RALYL: variants seen among roughly 807,000 people sequenced by gnomAD.
RALYL encodes the protein RNA-binding Raly-like protein.
In RALYL, 29 loss-of-function variants were observed where a neutral mutation model predicts 35.1. The ratio of observed to expected loss-of-function variants is 0.83; its 90% CI spans 0.61 to 1.13. The LOEUF is 1.13. RALYL is among the 50% of genes most tolerant of loss of function. The pLI is 0.00. For synonymous variants in RALYL, 120 were observed against 127.6 expected (o/e 0.94, Z 0.40); for missense variants, 359 against 360.4 (o/e 1.00, Z 0.03).
intron 2 of RALYL, among the ~76,000 whole-genome samples, chr8:84,727,491 T>C (rs10089481): frequency 0.33 from 50,000 of 151,742 alleles, 9,813 homozygotes; most frequent in African/African-American, 0.55. Flanking sequence ...TATTATTATA[T>C]TTCAAGTTTT....
chr8:84,415,492 C>A (rs2044595022), intron 1 of RALYL, among the ~76,000 whole-genome samples: 1 of 152,028 alleles, frequency 6.6e-6, no homozygotes, highest in African/African-American at 2.4e-5. Context: ...CCCGCCTCGG[C>A]CTCCCAAAGT....
At chr8:84,416,843 CT>C (rs1317491959) in intron 1 of RALYL, among the ~76,000 whole-genome samples, 3 of 152,158 alleles carry the variant, frequency 2.0e-5, no homozygotes, top group Non-Finnish European at 4.4e-5. Context: ...TTACCCAATT[CT>C]TAAAGTTGCA....
intron 1 of RALYL, among the ~76,000 whole-genome samples, chr8:84,358,750 T>C (rs1852363292): frequency 6.6e-6 from 1 of 152,092 alleles, no homozygotes; most frequent in South Asian, 2.1e-4. Context: ...TAGTTAGAAA[T>C]AGAAATGTTG....
chr8:84,286,174 C>T (rs115730668), intron 1 of RALYL, among the ~76,000 whole-genome samples: 205 of 152,142 alleles, frequency 1.3e-3, no homozygotes, highest in African/African-American at 4.3e-3. Flanking sequence ...GTGATCTGCC[C>T]GCCTCGGCCT....
chr8:84,589,805 A>G lies in RALYL; in HGVS notation c.256+60228A>G, dbSNP rs1203476410. Among the ~76,000 whole-genome samples the G allele has an allele frequency of 2.6e-5, 4 of 152,360 alleles. No individual in the cohort carries two copies. In the East Asian group the frequency reaches 5.8e-4, roughly 22 times the overall value. ...GGGAAAAGAAACATATGAATGTGAA[A>G]TAAACTCAGCCACTCTGTTGTTTAA... On this transcript the variant is annotated intron_variant, in intron 2 of 8. Coordinates refer to ENST00000521268, the MANE Select transcript of RALYL (RefSeq NM_173848.7).
rs542427213 is a variant in RALYL at position 84,356,580 on chromosome 8, A to AAGACTCC, written c.-24+172160_-24+172166dup. On this transcript the variant is annotated intron_variant, in intron 1 of 8. Coordinates refer to ENST00000521268, the MANE Select transcript of RALYL (RefSeq NM_173848.7). ...TATAATAAGCAAATTTTTTACCTCC[A>AAGACTCC]AGACTCCAGAAGATTCATTTATAGG... Among the ~76,000 whole-genome samples the AAGACTCC allele has an allele frequency of 1.1e-3, 163 of 150,176 alleles. 14 individuals are homozygous for AAGACTCC. The highest frequency in any genetic ancestry group is 3.9e-3 in the African/African-American group (159 of 40,388).
intron 2 of RALYL, among the ~76,000 whole-genome samples, chr8:84,707,163 T>C (rs1841363706): frequency 6.6e-6 from 1 of 152,208 alleles, no homozygotes; most frequent in Non-Finnish European, 1.5e-5. Context: ...AGAAGTTTCA[T>C]GCACCACAGA....
At chr8:84,285,071 T>G (rs1365480327) in intron 1 of RALYL, among the ~76,000 whole-genome samples, 1 of 152,120 alleles carries the variant, frequency 6.6e-6, no homozygotes, top group African/African-American at 2.4e-5. Context: ...TTGTATATGA[T>G]GTTGGAAGGC....
chr8:84,681,638 T>A (rs1226113846), intron 2 of RALYL, among the ~76,000 whole-genome samples: 3 of 152,182 alleles, frequency 2.0e-5, no homozygotes, highest in Non-Finnish European at 4.4e-5. Context: ...GATTTGACTC[T>A]CTGTCTGTTA....
chr8:84,398,744 C>T (rs546032884), intron 1 of RALYL, among the ~76,000 whole-genome samples: 3 of 152,230 alleles, frequency 2.0e-5, no homozygotes, highest in South Asian at 4.1e-4. Flanking sequence ...AAGGCCAAAG[C>T]GGGTCGATCA....
intron 6 of RALYL, among the ~76,000 whole-genome samples, chr8:84,869,382 G>A (rs572291371): frequency 2.9e-5 from 3 of 102,034 alleles, no homozygotes; most frequent in South Asian, 4.8e-4. Context: ...TTCAAATAAT[G>A]TATAATGGCT....
chr8:84,415,111 A>G (rs1303207134), intron 1 of RALYL, among the ~76,000 whole-genome samples: 4 of 150,232 alleles, frequency 2.7e-5, no homozygotes, highest in Admixed American at 6.6e-5. Context: ...TAGAATTGAA[A>G]TTAGCATTAA....
Position 84,286,295 on chromosome 8 carries a change from T to A in RALYL, c.-24+101871T>A, listed in dbSNP as rs113079793. On this transcript the variant is annotated intron_variant, in intron 1 of 8. Coordinates refer to ENST00000521268, the MANE Select transcript of RALYL (RefSeq NM_173848.7). ...ACAGCTATGTCTTTTTCTCTGGTCATGTTTGGTTTGTGCAAGCGGAAATAA... is the reference window on the plus strand; with the variant it reads ...ACAGCTATGTCTTTTTCTCTGGTCAAGTTTGGTTTGTGCAAGCGGAAATAA... Among the ~76,000 whole-genome samples the A allele has an allele frequency of 2.4e-3, 369 of 152,320 alleles. 2 individuals are homozygous for A. The highest frequency in any genetic ancestry group is 8.6e-3 in the African/African-American group (358 of 41,574).
chr8:84,853,810 A>C (rs1176570964), intron 5 of RALYL, among the ~76,000 whole-genome samples: 1 of 152,072 alleles, frequency 6.6e-6, no homozygotes, highest in Non-Finnish European at 1.5e-5. Flanking sequence ...ATTTCTCATA[A>C]GTTACGGTCT....
intron 2 of RALYL, among the ~76,000 whole-genome samples, chr8:84,744,125 A>G (rs1398046213): frequency 1.3e-5 from 2 of 152,044 alleles, no homozygotes; most frequent in Non-Finnish European, 2.9e-5. Context: ...ATTTTTAAAA[A>G]ATAAAAATAA....
chr8:84,786,736 G>T (rs1819570382), intron 3 of RALYL, among the ~76,000 whole-genome samples: 1 of 151,064 alleles, frequency 6.6e-6, no homozygotes, highest in South Asian at 2.2e-4. Context: ...TTAGACCTTT[G>T]TCAGATGGTT....
chr8:84,269,756 T>A (rs1225814307), intron 1 of RALYL, among the ~76,000 whole-genome samples: 1 of 152,116 alleles, frequency 6.6e-6, no homozygotes, highest in Non-Finnish European at 1.5e-5. Flanking sequence ...TTTCTGTTTT[T>A]ATAAATATTT....
At chr8:84,570,227 T>A (rs1285754411) in intron 2 of RALYL, among the ~76,000 whole-genome samples, 2 of 151,792 alleles carry the variant, frequency 1.3e-5, no homozygotes, top group African/African-American at 2.4e-5. Flanking sequence ...AGCATGGGAT[T>A]TTTTTATTTG....
At chr8:84,184,774 G>T in intron 1 of RALYL, 1 of 479,212 alleles carries the variant, frequency 2.1e-6, no homozygotes, top group Non-Finnish European at 3.7e-6. Flanking sequence ...TTCTCCGAGG[G>T]CCACTTGCAC....
Sources: allele counts gnomAD v4.1 joint callset (sites outside exome capture counted in the v4.1 genomes callset), GRCh38; gene constraint gnomAD v4.1.1; transcripts MANE v1.5; gene names NCBI Gene and HGNC (gene_info 2026-07-23, HGNC 2026-07-21).